Variants in PTPRT observed in about 807,000 individuals in gnomAD.
PTPRT encodes protein tyrosine phosphatase receptor type T.
In PTPRT, 56 loss-of-function variants were observed where a neutral mutation model predicts 176.8. The observed-to-expected ratio is 0.32, with a 90% CI of 0.26 to 0.40. The LOEUF is 0.40. Ranked by LOEUF, PTPRT falls within the 10% of genes least tolerant of loss-of-function variation. The pLI is 1.00. For synonymous variants in PTPRT, 783 were observed against 739.0 expected, an observed-to-expected ratio of 1.06 and a Z score of -0.96; for missense variants, 1,540 against 1,908.2, an observed-to-expected ratio of 0.81 and a Z score of 3.60.
At chr20:42,390,633 C>T (rs1405472419) in intron 9 of PTPRT, among the ~76,000 whole-genome samples, 2 of 152,154 alleles carry the variant, frequency 1.3e-5, no homozygotes, top group African/African-American at 4.8e-5. Context: ...CATACTGAGG[C>T]CTCTGACAAT....
Position 42,450,565 on chromosome 20 carries a change from C to T in PTPRT, c.1451-2236G>A, listed in dbSNP as rs182693263. ...TTTGCTCATCTTTGTCTTATGGGCT[C>T]GTCATTGTAATTTCATTTTAAGGAC... On this transcript the variant is annotated intron_variant, in intron 8 of 30. Transcript: ENST00000373187. Among the ~76,000 whole-genome samples the T allele has an allele frequency of 1.8e-3, 277 of 152,200 alleles. 1 individual carries two copies. The highest frequency in any genetic ancestry group is 6.4e-3 in the African/African-American group (266 of 41,532).
chr20:42,380,359 T>A (rs2058687478), intron 9 of PTPRT, among the ~76,000 whole-genome samples: 1 of 151,952 alleles, frequency 6.6e-6, no homozygotes, highest in Admixed American at 6.6e-5. Flanking sequence ...TATGCAGAGA[T>A]CAGGTTTAGC....
At chr20:42,771,781 C>T (rs947886400) in intron 4 of PTPRT, among the ~76,000 whole-genome samples, 2 of 152,158 alleles carry the variant, frequency 1.3e-5, no homozygotes, top group East Asian at 1.9e-4. Context: ...TGGGCAGTAT[C>T]CCCATTTCAC....
intron 4 of PTPRT, among the ~76,000 whole-genome samples, chr20:42,773,233 G>A (rs149621456): frequency 6.6e-6 from 1 of 152,268 alleles, no homozygotes; most frequent in East Asian, 1.9e-4. Context: ...CTACCAATCT[G>A]TGTCAGCACC....
intron 7 of PTPRT, among the ~76,000 whole-genome samples, chr20:42,663,993 G>T (rs1196205436): frequency 6.6e-6 from 1 of 152,116 alleles, no homozygotes; most frequent in Non-Finnish European, 1.5e-5. Context: ...TTAGCAAATT[G>T]TCCTCTTAAC....
chr20:42,196,408 G>A (rs1191891845), intron 16 of PTPRT, among the ~76,000 whole-genome samples: 1 of 152,018 alleles, frequency 6.6e-6, no homozygotes, highest in Non-Finnish European at 1.5e-5. Flanking sequence ...TGTATATAAT[G>A]TATAATAATC....
rs77607064 is a variant in PTPRT, at chr20:42,443,423, C to G, written c.1560+4797G>C. On this transcript the variant is annotated intron_variant, in intron 9 of 30. Coordinates refer to ENST00000373187, the MANE Select transcript of PTPRT (RefSeq NM_007050.6). ...TGTGGACACAAGGCCGTTGGTGCTG[C>G]CTCTATCTGTGCATGATCTGTCACT... 2.0e-5 allele frequency among the ~76,000 whole-genome samples: 3 copies of G among 152,326 alleles called. 1 individual carries two copies. In the South Asian group the frequency reaches 6.2e-4, roughly 32 times the overall value.
intron 2 of PTPRT, among the ~76,000 whole-genome samples, chr20:42,845,507 C>G (rs2078354365): frequency 6.6e-6 from 1 of 152,144 alleles, no homozygotes; most frequent in Non-Finnish European, 1.5e-5. Context: ...AAATCTGACT[C>G]TGAGTTTTCT....
In PTPRT at chr20:42,265,447, C is replaced by T. The variant is rs201222788; in HGVS notation, c.2177-16625G>A. Among the ~76,000 whole-genome samples the T allele has an allele frequency of 4.6e-5, 7 of 152,318 alleles. No homozygotes were observed. The East Asian group carries it at 1.3e-3, about 29-fold the overall frequency. On this transcript the variant is annotated intron_variant, in intron 13 of 30. Transcript: ENST00000373187. ...AATGAGTTAATGATGTGAAACTCAG[C>T]ACATTCCATAGCATGTAGGAAGTAT... is the stretch of plus-strand genomic sequence containing the variant.
intron 17 of PTPRT, among the ~76,000 whole-genome samples, chr20:42,155,628 T>C (rs1989317531): frequency 6.6e-6 from 1 of 152,194 alleles, no homozygotes; most frequent in African/African-American, 2.4e-5. Flanking sequence ...ATTTTGACTC[T>C]TCAATTCAAG....
At chr20:42,285,702 G>T (rs1417288558) in intron 12 of PTPRT, among the ~76,000 whole-genome samples, 3 of 151,094 alleles carry the variant, frequency 2.0e-5, no homozygotes, top group Non-Finnish European at 4.4e-5. Flanking sequence ...CTGGGCAAGA[G>T]AAAAATTTAA....
At chr20:42,543,742 C>T (rs144683884) in intron 7 of PTPRT, among the ~76,000 whole-genome samples, 23 of 151,992 alleles carry the variant, frequency 1.5e-4, no homozygotes, top group African/African-American at 5.3e-4. Context: ...AAACAAGACC[C>T]AAAAGTCAAA....
intron 25 of PTPRT, 30 bp downstream of exon 25, chr20:42,104,539 A>G: frequency 6.3e-7 from 1 of 1,593,910 alleles, no homozygotes; most frequent in Non-Finnish European, 8.6e-7. Flanking sequence ...ACTGACTAAG[A>G]TGGTCACCGA....
At chr20:42,055,278 C>T in the PTPRT span, among the ~76,000 whole-genome samples, 2 of 152,190 alleles carry the variant, frequency 1.3e-5, no homozygotes, top group Non-Finnish European at 2.9e-5. Context: ...TTTTGTGATA[C>T]GTTCTCCTTC....
intron 7 of PTPRT, among the ~76,000 whole-genome samples, chr20:42,588,405 T>C (rs959724223): frequency 1.3e-5 from 2 of 152,108 alleles, no homozygotes; most frequent in South Asian, 4.2e-4. Context: ...GACTGTTTTG[T>C]GCCACTATAC....
intron 7 of PTPRT, among the ~76,000 whole-genome samples, chr20:42,502,849 A>G (rs2071776155): frequency 6.6e-6 from 1 of 152,116 alleles, no homozygotes; most frequent in Non-Finnish European, 1.5e-5. Flanking sequence ...GTTATGTTAT[A>G]CACATCTTCA....
intron 8 of PTPRT, among the ~76,000 whole-genome samples, chr20:42,452,586 T>C (rs1028782802): frequency 1.3e-5 from 2 of 152,022 alleles, no homozygotes; most frequent in Non-Finnish European, 2.9e-5. Flanking sequence ...AATAGAGAGA[T>C]GAAAATTCTA....
At chr20:42,132,520 C>CA (rs1254774707) in intron 18 of PTPRT, among the ~76,000 whole-genome samples, 2 of 152,164 alleles carry the variant, frequency 1.3e-5, no homozygotes, top group African/African-American at 4.8e-5. Context: ...AAGATCTGAA[C>CA]AGACACCTAA....
At chr20:42,736,357 G>C (rs1437729697) in intron 6 of PTPRT, among the ~76,000 whole-genome samples, 2 of 152,218 alleles carry the variant, frequency 1.3e-5, no homozygotes. Context: ...AAGGTCTGAA[G>C]GAAAAGATAT....
Sources: allele counts gnomAD v4.1 joint callset (sites outside exome capture counted in the v4.1 genomes callset), GRCh38; gene constraint gnomAD v4.1.1; transcripts MANE v1.5; gene names NCBI Gene and HGNC (gene_info 2026-07-23, HGNC 2026-07-21).